GRID2: variants seen among roughly 807,000 people sequenced by gnomAD.
GRID2 encodes the protein glutamate ionotropic receptor delta type subunit 2, also known as glutamate receptor ionotropic, delta-2.
GRID2 carries 33 observed loss-of-function variants against 114.8 expected under a neutral mutation model. The observed-to-expected ratio is 0.29, with a 90% CI of 0.22 to 0.38. The LOEUF (loss-of-function observed/expected upper bound fraction) is 0.38. Ranked by LOEUF, GRID2 falls within the 10% of genes least tolerant of loss-of-function variation. The probability of loss-of-function intolerance (pLI) is 1.00; values close to 1 mark genes in which losing one functional copy is unlikely to be tolerated. For missense variants in GRID2, 1,184 were observed against 1,257.7 expected, an observed-to-expected ratio of 0.94 and a Z score of 0.89; for synonymous variants, 505 against 449.9, an observed-to-expected ratio of 1.12 and a Z score of -1.55.
chr4:92,913,594 A>G (rs1241281575), intron 2 of GRID2, among the ~76,000 whole-genome samples: 2 of 151,972 alleles, frequency 1.3e-5, no homozygotes. Context: ...TTCTTTTGTA[A>G]TTAGACTGTA....
intron 1 of GRID2, among the ~76,000 whole-genome samples, chr4:92,563,739 T>C (rs1343120687): frequency 6.6e-6 from 1 of 152,138 alleles, no homozygotes; most frequent in Non-Finnish European, 1.5e-5. Flanking sequence ...TAATGACATC[T>C]TAAATATAAT....
At chr4:92,529,687 T>C (rs1338480150) in intron 1 of GRID2, among the ~76,000 whole-genome samples, 1 of 152,082 alleles carries the variant, frequency 6.6e-6, no homozygotes, top group Non-Finnish European at 1.5e-5. Flanking sequence ...CCTGAGAAGA[T>C]AATGAGGTGT....
At chr4:93,235,956 TATATG>T (rs754262284) in intron 7 of GRID2, among the ~76,000 whole-genome samples, 2 of 152,096 alleles carry the variant, frequency 1.3e-5, no homozygotes, top group Non-Finnish European at 2.9e-5. Flanking sequence ...ATTATATTGA[TATATG>T]ATATCTTTTT....
intron 3 of GRID2, among the ~76,000 whole-genome samples, chr4:93,094,243 A>C (rs1731016214): frequency 1.3e-5 from 2 of 152,092 alleles, no homozygotes; most frequent in East Asian, 3.9e-4. Context: ...TGACTTGAAA[A>C]GCAAGCTGAT....
At chr4:92,414,448 T>G (rs1731491201) in intron 1 of GRID2, among the ~76,000 whole-genome samples, 2 of 152,114 alleles carry the variant, frequency 1.3e-5, no homozygotes, top group Admixed American at 6.6e-5. Context: ...TAATTAATAT[T>G]ACATAAACAA....
intron 7 of GRID2, among the ~76,000 whole-genome samples, chr4:93,230,917 T>C (rs541797727): frequency 1.2e-3 from 183 of 152,294 alleles, no homozygotes; most frequent in African/African-American, 3.9e-3. Context: ...TATTTATATA[T>C]TGGGAAAGAG....
In GRID2 at chr4:92,657,840, A is replaced by T. The variant is rs980397992; in HGVS notation, c.244+67554A>T. Among the ~76,000 whole-genome samples the T allele has an allele frequency of 7.2e-5, 11 of 151,884 alleles. No individual in the cohort carries two copies. The Admixed American group carries it at 7.2e-4, about 10-fold the overall frequency. On this transcript the variant is annotated intron_variant, in intron 2 of 15. Transcript: ENST00000282020. ...AGAACATTGTCCTTCTATTCAGAAT[A>T]TAATTAGTTGAAATCTGTATCTCAA...
At chr4:92,498,885 G>A (rs945558404) in intron 1 of GRID2, among the ~76,000 whole-genome samples, 5 of 147,594 alleles carry the variant, frequency 3.4e-5, no homozygotes, top group Non-Finnish European at 7.4e-5. Context: ...GAATTTATGA[G>A]TATGCCAAAT....
intron 1 of GRID2, among the ~76,000 whole-genome samples, chr4:93,782,353 C>T (rs1055872442): frequency 1.3e-5 from 2 of 152,096 alleles, no homozygotes; most frequent in Non-Finnish European, 2.9e-5. Flanking sequence ...AAAATACCTG[C>T]TATGTTCAAG....
intron 1 of GRID2, among the ~76,000 whole-genome samples, chr4:93,789,729 G>C (rs935443684): frequency 2.6e-5 from 4 of 152,090 alleles, no homozygotes; most frequent in African/African-American, 9.7e-5. Context: ...TAGTTTCGGA[G>C]GCTAGTTGTT....
chr4:92,793,544 AT>A (rs1739695242), intron 2 of GRID2, among the ~76,000 whole-genome samples: 1 of 151,528 alleles, frequency 6.6e-6, no homozygotes, highest in South Asian at 2.1e-4. Context: ...TGAACATAAA[AT>A]AAAAATTAAA....
At chr4:93,310,679 T>C (rs1290854353) in intron 8 of GRID2, among the ~76,000 whole-genome samples, 3 of 152,178 alleles carry the variant, frequency 2.0e-5, no homozygotes, top group African/African-American at 7.2e-5. Context: ...CAATGCTAAA[T>C]GTATTGGAAC....
chr4:93,727,874 C>G (rs1355371343), intron 14 of GRID2, among the ~76,000 whole-genome samples: 1 of 152,088 alleles, frequency 6.6e-6, no homozygotes, highest in African/African-American at 2.4e-5. Context: ...ATTCTTCTCT[C>G]TTTTCTTCTT....
At chr4:93,057,158 G>GTGTC in intron 2 of GRID2, among the ~76,000 whole-genome samples, 1 of 122,032 alleles carries the variant, frequency 8.2e-6, no homozygotes, top group South Asian at 2.7e-4. Context: ...GTGTGTATGT[G>GTGTC]TGTCTGTGTG....
At chr4:93,614,192 C>T (rs1741328086) in intron 13 of GRID2, among the ~76,000 whole-genome samples, 1 of 152,242 alleles carries the variant, frequency 6.6e-6, no homozygotes, top group Non-Finnish European at 1.5e-5. Flanking sequence ...CGTGCACCCA[C>T]TGGCCTGCGC....
At chr4:92,373,367 C>T (rs1270385258) in intron 1 of GRID2, among the ~76,000 whole-genome samples, 1 of 152,126 alleles carries the variant, frequency 6.6e-6, no homozygotes, top group Non-Finnish European at 1.5e-5. Flanking sequence ...GTGGCTTTGT[C>T]TGATGATGGT....
At chr4:92,795,482 G>A (rs111259129) in intron 2 of GRID2, among the ~76,000 whole-genome samples, 24 of 152,000 alleles carry the variant, frequency 1.6e-4, no homozygotes, top group East Asian at 2.0e-4. Context: ...CCAGTCTCAC[G>A]TATGTCTTTA....
At chr4:93,249,248 A>G (rs1242903188) in intron 8 of GRID2, among the ~76,000 whole-genome samples, 2 of 152,176 alleles carry the variant, frequency 1.3e-5, no homozygotes, top group Non-Finnish European at 2.9e-5. Flanking sequence ...TTTTGTTAGC[A>G]GTACCATGCT....
At chr4:93,184,898 A>T (rs1036285392) in intron 4 of GRID2, among the ~76,000 whole-genome samples, 207 of 152,110 alleles carry the variant, frequency 1.4e-3, no homozygotes, top group Non-Finnish European at 2.5e-3. Flanking sequence ...AACACAAAAA[A>T]CAAAATAACA....
Sources: gnomAD v4.1 joint callset for allele counts (sites outside exome capture counted in the v4.1 genomes callset) on GRCh38, gnomAD v4.1.1 for gene constraint, MANE v1.5 for transcripts, NCBI Gene and HGNC (gene_info 2026-07-23, HGNC 2026-07-21) for gene names.